The following DNAH1 variants were observed in gnomAD, a reference collection of about 807,000 sequenced individuals.
The protein encoded by DNAH1 is axonemal beta dynein heavy chain 1.
In DNAH1, 327 loss-of-function variants were observed where a neutral mutation model predicts 484.3. That is an observed-to-expected ratio of 0.68 (90% confidence interval 0.62 to 0.74). The LOEUF is 0.74. Among genes scored for constraint, DNAH1 ranks in the 30% least tolerant of loss-of-function variants. The pLI is 0.00. For missense variants in DNAH1, 5,052 were observed against 5,546.8 expected (o/e 0.91, Z 2.83); for synonymous variants, 2,192 against 2,191.9 (o/e 1.00, Z 0.00).
chr3:52,340,627 G>A (rs192966052), intron 8 of DNAH1, among the ~76,000 whole-genome samples: 20 of 151,784 alleles, frequency 1.3e-4, no homozygotes, highest in Non-Finnish European at 2.4e-4. Context: ...TAGAGACGGG[G>A]CTTCACCATG....
At position 52,349,036 on chromosome 3, in the gene DNAH1, G is replaced by A. The variant is rs749446487; in HGVS notation, c.2255G>A (p.Arg752Gln). 4.3e-6 allele frequency: 7 copies of A among 1,612,894 alleles called. No individual in the cohort carries two copies. The highest frequency in any genetic ancestry group is 5.1e-6 in the Non-Finnish European group (6 of 1,179,894). Residue 752 changes from arginine to glutamine, a missense_variant, in exon 13 of 78, where the codon CGA (arginine) becomes CAA (glutamine). Transcript: ENST00000420323. ...IPLQAYAKEY[R>Q]KYLELNNNDI... ...CTGCAGGCCTACGCCAAGGAGTACC[G>A]AAAGTACCTGGAGCTGAACAACAAT...
At position 52,397,034 on chromosome 3, in the gene DNAH1, A is replaced by G. The variant is rs1359845274; in HGVS notation, c.11777A>G (p.Tyr3926Cys). 3.7e-6 allele frequency: 6 copies of G among 1,604,090 alleles called. No homozygotes were observed. The highest frequency in any genetic ancestry group is 4.3e-6 in the Non-Finnish European group (5 of 1,175,680). ...SGIYHQIPPTYDLHGYLSYIK... is the reference protein window; with the variant it reads ...SGIYHQIPPTCDLHGYLSYIK... ...ATCTACCACCAGATCCCGCCTACCT[A>G]CGACCTCCACGTGAGTCCAGCCCAA... The change falls in exon 73 of 78, where the codon TAC (tyrosine) becomes TGC (cysteine). Residue 3926 changes from tyrosine (Y) to cysteine (C), a missense_variant. Transcript: ENST00000420323.
intron 1 of DNAH1, among the ~76,000 whole-genome samples, chr3:52,318,181 A>T (rs1701020152): frequency 6.6e-6 from 1 of 152,316 alleles, no homozygotes; most frequent in East Asian, 1.9e-4. Context: ...CCTCCTGAAT[A>T]GCTGGGATTA....
intron 34 of DNAH1, 79 bp from the exon 35 acceptor site, chr3:52,366,378 C>T: frequency 8.3e-7 from 1 of 1,199,452 alleles, no homozygotes; most frequent in Non-Finnish European, 1.2e-6. Context: ...AGTGACTCAC[C>T]CAAGGTCACA....
At position 52,358,460 on chromosome 3, in the gene DNAH1, G is replaced by A; in HGVS notation, c.4087-98G>A. ...CGGGAAGGCAGGGCTTTCTTCTTGA[G>A]GTGGAGGGCACCGGGCAGGCTTAGC... On this transcript the variant is annotated intron_variant, in intron 24 of 77. Coordinates refer to ENST00000420323, the MANE Select transcript of DNAH1 (RefSeq NM_015512.5). The surrounding 1 kb of genome is among the most constrained non-coding windows in gnomAD (Gnocchi z 4.2). 3.9e-6 allele frequency: 5 copies of A among 1,294,036 alleles called. No homozygotes were observed. Among genetic ancestry groups the A allele is most frequent in the Non-Finnish European group, 5.2e-6 (5 of 955,496 alleles). The allele number at this position is 1,294,036 out of a possible 1,614,324, so 80.2% of individuals were successfully genotyped here.
intron 1 of DNAH1, among the ~76,000 whole-genome samples, chr3:52,320,867 C>A (rs1402597958): frequency 7.5e-6 from 1 of 133,062 alleles, no homozygotes; most frequent in Non-Finnish European, 1.5e-5. Context: ...GTGGCATGAT[C>A]TTGGCTCCTT....
intron 8 of DNAH1, among the ~76,000 whole-genome samples, chr3:52,332,932 G>A (rs1040235753): frequency 2.5e-4 from 38 of 151,990 alleles, no homozygotes; most frequent in Admixed American, 7.8e-4. Context: ...AGGCTGGAGT[G>A]CCTGGAGTGC....
rs1179071799 is a variant in DNAH1, at chr3:52,382,363, G to A, written c.7849G>A (p.Gly2617Ser). Residue 2617 changes from glycine to serine, a missense_variant, in exon 50 of 78, where the codon GGC becomes AGC. Physicochemically the swap from Gly to Ser is moderately conservative, Grantham distance 56. Around this residue, in one of 4 missense-constraint regions of DNAH1, gnomAD observed 2,929 missense variants for 3,409.4 expected, o/e 0.86. Transcript: ENST00000420323. ...CFQIELSKNY[G>S]MSEWRDDVKK... ...CCAGATTGAACTATCCAAGAACTAC[G>A]GCATGTCCGAGTGGCGAGATGATGT... The A allele has an allele frequency of 5.6e-6, 9 of 1,613,868 alleles. No individual in the cohort carries two copies. The Admixed American group carries it at 1.2e-4, about 21-fold the overall frequency.
rs533258607 is a variant in DNAH1 at position 52,358,745 on chromosome 3, G to T, written c.4266+8G>T. On this transcript the variant is annotated splice_region_variant and intron_variant, in intron 25 of 77. Transcript: ENST00000420323. The surrounding 1 kb of genome is among the most constrained non-coding windows in gnomAD (Gnocchi z 4.2). ...ATCAGGGCCTACCCCACGGTGAGCC[G>T]CCCGCAGCCCGTGCAGCCTTCCACC... 11 of 1,611,192 alleles carry T rather than the reference G, an allele frequency of 6.8e-6. No homozygotes were observed. In the South Asian group the frequency reaches 7.7e-5, roughly 11 times the overall value.
chr3:52,367,387 G>A (rs1400396417), intron 36 of DNAH1, among the ~76,000 whole-genome samples: 6 of 152,084 alleles, frequency 3.9e-5, no homozygotes, highest in African/African-American at 1.2e-4. Flanking sequence ...TGTTCTGGGA[G>A]CCCTGTAGGG....
rs1704355486 is a variant in DNAH1 at position 52,391,112 on chromosome 3, G to T, written c.9741+58G>T. ...CCCAGCCAGGCATAGCAAGGGCAGTGGTGAGCCGCAGAGCCTCAGGCTGGC... is the reference window on the plus strand; with the variant it reads ...CCCAGCCAGGCATAGCAAGGGCAGTTGTGAGCCGCAGAGCCTCAGGCTGGC... On this transcript the variant is annotated intron_variant, in intron 61 of 77. Transcript: ENST00000420323. The T allele has an allele frequency of 3.7e-6, 6 of 1,605,918 alleles. No individual in the cohort carries two copies. In the South Asian group the frequency reaches 5.6e-5, roughly 15 times the overall value.
chr3:52,389,187 A>G (rs1704254699), intron 59 of DNAH1, among the ~76,000 whole-genome samples: 1 of 152,388 alleles, frequency 6.6e-6, no homozygotes, highest in South Asian at 2.1e-4. Context: ...CACTTGCTGC[A>G]TGCCAGGCAC....
chr3:52,391,395 C>T (rs1367100783), intron 62 of DNAH1, 48 bp from the exon 63 acceptor site: 1 of 1,592,274 alleles, frequency 6.3e-7, no homozygotes, highest in Non-Finnish European at 8.5e-7. Flanking sequence ...TCCCCTGCCC[C>T]ACTGGTGATG....
In DNAH1 at chr3:52,360,027, A is replaced by G; in HGVS notation, c.4519A>G (p.Ile1507Val). 6.2e-7 allele frequency: 1 copy of G among 1,613,948 alleles called. No individual in the cohort carries two copies. The highest frequency in any genetic ancestry group is 1.1e-5 in the South Asian group (1 of 91,090). ...TGCCAAGGACGTGGTGAGCAAGCTA[A>G]TCCAGGAGAACGTGGTCAGCGTGAA... ...VHAKDVVSKL[I>V]QENVVSVNDF... The change falls in exon 27 of 78, where the codon ATC becomes GTC. Residue 1507 changes from isoleucine to valine, a missense_variant. Transcript: ENST00000420323.
At chr3:52,357,163 TGTC>T (rs1350770221) in intron 22 of DNAH1, among the ~76,000 whole-genome samples, 2 of 151,844 alleles carry the variant, frequency 1.3e-5, no homozygotes, top group Admixed American at 1.3e-4. Context: ...AGGGTAATCC[TGTC>T]TTAGCCTACC....
chr3:52,317,036 T>C (rs1400796990), intron 1 of DNAH1, among the ~76,000 whole-genome samples: 2 of 152,348 alleles, frequency 1.3e-5, no homozygotes, highest in African/African-American at 2.4e-5. Flanking sequence ...AATTGTTATA[T>C]TGCAGCACTT....
At position 52,372,995 on chromosome 3, in the gene DNAH1, C is replaced by G. The variant is rs747872266; in HGVS notation, c.6927C>G (p.Pro2309=). Reference sequence around the variant, plus strand: ...TGGAGACCTACGGTGCACAGCCACCCATCGAGCTGTTGCGCCAGTGGATGG... The same window carrying G: ...TGGAGACCTACGGTGCACAGCCACCGATCGAGCTGTTGCGCCAGTGGATGG... ...PALETYGAQP[P]IELLRQWMDH... Residue 2309 remains proline, a synonymous_variant, in exon 44 of 78, where the codon CCC becomes CCG. Coordinates refer to ENST00000420323, the MANE Select transcript of DNAH1 (RefSeq NM_015512.5). The G allele has an allele frequency of 8.1e-6, 13 of 1,613,594 alleles. No homozygotes were observed. In the Admixed American group the frequency reaches 2.2e-4, roughly 27 times the overall value.
At chr3:52,342,443 G>A (rs1292606687) in intron 8 of DNAH1, among the ~76,000 whole-genome samples, 1 of 152,254 alleles carries the variant, frequency 6.6e-6, no homozygotes, top group Non-Finnish European at 1.5e-5. Context: ...CAGGGCCAGA[G>A]ATCATGATGG....
intron 21 of DNAH1, 26 bp from the exon 22 acceptor site, chr3:52,356,588 C>G (rs1033749663): frequency 3.7e-6 from 6 of 1,611,096 alleles, no homozygotes; most frequent in African/African-American, 1.3e-5. Flanking sequence ...CCATATCACA[C>G]CCCTCCCTGC....
Sources: gnomAD v4.1 joint callset for allele counts (sites outside exome capture counted in the v4.1 genomes callset) on GRCh38, gnomAD v4.1.1 for gene constraint, gnomAD v4.1.1 regional missense constraint, Gnocchi (gnomAD v3.1) non-coding constraint, MANE v1.5 for transcripts, NCBI Gene and HGNC (gene_info 2026-07-23, HGNC 2026-07-21) for gene names.